DST: variants seen among roughly 807,000 people sequenced by gnomAD.
The protein encoded by DST is bullous pemphigoid antigen.
A neutral mutation model predicts 875.2 loss-of-function variants in DST; 253 were observed. The ratio of observed to expected loss-of-function variants is 0.29; its 90% CI spans 0.26 to 0.32. DST has a LOEUF of 0.32. Among genes scored for constraint, DST ranks in the 10% least tolerant of loss-of-function variants. The pLI is 1.00. For missense variants in DST, 8,287 were observed against 9,111.6 expected (o/e 0.91, Z 3.68); for synonymous variants, 3,124 against 3,197.1 (o/e 0.98, Z 0.77).
chr6:56,936,705 C>T (rs1021044638), intron 2 of DST, among the ~76,000 whole-genome samples: 1 of 152,090 alleles, frequency 6.6e-6, no homozygotes, highest in African/African-American at 2.4e-5. Context: ...AAAGCCCCAA[C>T]TTTTTGGCTA....
At chr6:56,525,584 CT>C (rs1393023151) in intron 69 of DST, among the ~76,000 whole-genome samples, 12 of 152,216 alleles carry the variant, frequency 7.9e-5, no homozygotes, top group African/African-American at 2.9e-4. Flanking sequence ...CTAGTAAAAG[CT>C]TAGTCACACA....
chr6:56,763,247 G>A (rs898015445), intron 4 of DST, among the ~76,000 whole-genome samples: 2 of 152,176 alleles, frequency 1.3e-5, no homozygotes, highest in Non-Finnish European at 2.9e-5. Flanking sequence ...CATATTTCAG[G>A]CAGGTCCACA....
chr6:56,946,621 A>G (rs1160584601), intron 2 of DST, among the ~76,000 whole-genome samples: 1 of 152,230 alleles, frequency 6.6e-6, no homozygotes, highest in African/African-American at 2.4e-5. Flanking sequence ...ATAAAATATC[A>G]GTGTGGACGA....
intron 69 of DST, among the ~76,000 whole-genome samples, chr6:56,522,757 T>C (rs2096730300): frequency 6.9e-6 from 1 of 145,674 alleles, no homozygotes; most frequent in Admixed American, 6.7e-5. Context: ...CAATTAGAAC[T>C]GCTGAAGAAA....
intron 90 of DST, among the ~76,000 whole-genome samples, chr6:56,480,142 T>A (rs2095352248): frequency 6.6e-6 from 1 of 152,206 alleles, no homozygotes; most frequent in Non-Finnish European, 1.5e-5. Flanking sequence ...TTTTTAGACC[T>A]TTTATTTACA....
intron 53 of DST, among the ~76,000 whole-genome samples, chr6:56,571,741 G>A (rs1167549420): frequency 6.6e-6 from 1 of 152,138 alleles, no homozygotes; most frequent in African/African-American, 2.4e-5. Context: ...AAAGAACCAC[G>A]AGCTGTTGTT....
intron 5 of DST, among the ~76,000 whole-genome samples, 152 bp from the exon 6 acceptor site, chr6:56,704,521 A>ACT (rs1411883718): frequency 6.6e-6 from 1 of 152,236 alleles, no homozygotes; most frequent in East Asian, 1.9e-4. Context: ...TTACTTAAAA[A>ACT]CTAAATTTAA....
chr6:56,944,748 C>G (rs1818572299), intron 2 of DST, among the ~76,000 whole-genome samples: 1 of 152,098 alleles, frequency 6.6e-6, no homozygotes, highest in Non-Finnish European at 1.5e-5. Context: ...TATGCATTCC[C>G]CAACTCTTTC....
chr6:56,824,167 C>T (rs1327683408), intron 4 of DST, among the ~76,000 whole-genome samples: 1 of 152,202 alleles, frequency 6.6e-6, no homozygotes, highest in Non-Finnish European at 1.5e-5. Flanking sequence ...CGCCGCCACG[C>T]CTGACTGGTT....
At chr6:56,780,603 T>C (rs983113120) in intron 4 of DST, among the ~76,000 whole-genome samples, 2 of 152,110 alleles carry the variant, frequency 1.3e-5, no homozygotes, top group Non-Finnish European at 2.9e-5. Flanking sequence ...TTTGTTGGAG[T>C]TCATTGTAGA....
At chr6:56,586,937 T>C (rs1362378887) in intron 49 of DST, among the ~76,000 whole-genome samples, 2 of 151,938 alleles carry the variant, frequency 1.3e-5, no homozygotes, top group East Asian at 3.9e-4. Context: ...AGACCAAAAG[T>C]AGATAAAACC....
In DST at chr6:56,600,750, C is replaced by T. The variant is rs548688774; in HGVS notation, c.11542-529G>A. Among the ~76,000 whole-genome samples the T allele has an allele frequency of 3.3e-5, 5 of 152,148 alleles. No homozygotes were observed. In the South Asian group the frequency reaches 1.0e-3, roughly 32 times the overall value. On this transcript the variant is annotated intron_variant, in intron 44 of 103. Transcript: ENST00000680361. ...TGCTCGTTATTGCTATTAGATATAG[C>T]ACTCATATAATTCATTAAATCTTCT...
At chr6:56,493,444 C>T (rs891899160) in intron 83 of DST, among the ~76,000 whole-genome samples, 1 of 152,004 alleles carries the variant, frequency 6.6e-6, no homozygotes, top group Admixed American at 6.6e-5. Flanking sequence ...GAAATACATA[C>T]TTTATGCTCC....
chr6:56,719,367 C>T (rs1427242520), intron 5 of DST, among the ~76,000 whole-genome samples: 1 of 152,180 alleles, frequency 6.6e-6, no homozygotes, highest in Non-Finnish European at 1.5e-5. Flanking sequence ...CACTATAAAA[C>T]CCTTAATCTA....
At chr6:56,735,849 T>C (rs2099521414) in intron 4 of DST, among the ~76,000 whole-genome samples, 1 of 152,102 alleles carries the variant, frequency 6.6e-6, no homozygotes, top group South Asian at 2.1e-4. Flanking sequence ...TATTAAGTAG[T>C]AATTTATTAT....
intron 75 of DST, among the ~76,000 whole-genome samples, chr6:56,507,976 C>T (rs1375736988): frequency 6.6e-6 from 1 of 152,026 alleles, no homozygotes; most frequent in Non-Finnish European, 1.5e-5. Context: ...GATAATAAGG[C>T]CCTGAAATAA....
At chr6:56,842,862 C>G (rs1021310963) in intron 4 of DST, among the ~76,000 whole-genome samples, 6 of 152,188 alleles carry the variant, frequency 3.9e-5, no homozygotes, top group African/African-American at 1.2e-4. Context: ...CGTCTCCGGA[C>G]TGTCGCCCAC....
intron 90 of DST, among the ~76,000 whole-genome samples, chr6:56,481,029 G>A (rs1360103309): frequency 6.6e-5 from 10 of 151,908 alleles, no homozygotes; most frequent in Non-Finnish European, 7.4e-5. Context: ...AAATTTAAAC[G>A]GTGTATATAA....
At chr6:56,792,771 A>G (rs1196161402) in intron 4 of DST, among the ~76,000 whole-genome samples, 1 of 152,212 alleles carries the variant, frequency 6.6e-6, no homozygotes, top group Admixed American at 6.5e-5. Context: ...GGGACATTAT[A>G]TAAGACAAAT....
Sources: allele counts gnomAD v4.1 joint callset (sites outside exome capture counted in the v4.1 genomes callset), GRCh38; gene constraint gnomAD v4.1.1; transcripts MANE v1.5; gene names NCBI Gene and HGNC (gene_info 2026-07-23, HGNC 2026-07-21).